The following ZNF586 variants were observed in gnomAD, a reference collection of about 807,000 sequenced individuals.
The protein encoded by ZNF586 is zinc finger protein 586.
A neutral mutation model predicts 6.7 loss-of-function variants in ZNF586; 7 were observed. The observed-to-expected ratio is 1.04, with a 90% CI of 0.59 to 1.95. ZNF586 has a LOEUF of 1.95. Among genes scored for constraint, ZNF586 ranks in the 30% most tolerant of loss-of-function variants. The pLI is 0.00. For synonymous variants in ZNF586, 166 were observed against 168.7 expected, an observed-to-expected ratio of 0.98 and a Z score of 0.12; for missense variants, 442 against 489.6, an observed-to-expected ratio of 0.90 and a Z score of 0.92.
intron 1 of ZNF586, among the ~76,000 whole-genome samples, chr19:57,775,157 C>T (rs979073756): frequency 6.6e-6 from 1 of 152,102 alleles, no homozygotes; most frequent in Non-Finnish European, 1.5e-5. Context: ...CCACCACACC[C>T]GGCTAATTTT....
intron 1 of ZNF586, among the ~76,000 whole-genome samples, chr19:57,775,039 G>A (rs1207425178): frequency 2.0e-5 from 3 of 148,752 alleles, no homozygotes; most frequent in African/African-American, 5.0e-5. Context: ...TCGCTCTGTC[G>A]CCCAGGCTGG....
At chr19:57,777,558 TTTCC>T (rs1987263411) in intron 2 of ZNF586, among the ~76,000 whole-genome samples, 1 of 152,190 alleles carries the variant, frequency 6.6e-6, no homozygotes, top group African/African-American at 2.4e-5. Flanking sequence ...ACTTTATGTC[TTTCC>T]TTCCCCATTC....
In ZNF586 at chr19:57,779,194, G is replaced by A; in HGVS notation, c.607G>A (p.Ala203Thr). ...TAACCACAGGAAAGTTCACTCTGGA[G>A]CAAAGCGTTATGAATGCAATGAATG... The part of the protein sequence containing the change: ...LINHRKVHSG[A>T]KRYECNECGK... Residue 203 changes from alanine to threonine, a missense_variant, in exon 3 of 3, where the codon GCA becomes ACA. Transcript: ENST00000396154. The A allele has an allele frequency of 6.2e-7, 1 of 1,614,046 alleles. No individual in the cohort carries two copies. Among genetic ancestry groups the A allele is most frequent in the South Asian group, 1.1e-5 (1 of 91,076 alleles).
intron 1 of ZNF586, among the ~76,000 whole-genome samples, chr19:57,772,022 G>A (rs1270255318): frequency 6.6e-6 from 1 of 151,972 alleles, no homozygotes; most frequent in African/African-American, 2.4e-5. Context: ...ACTAGGTTTC[G>A]CCATATTATC....
intron 1 of ZNF586, chr19:57,774,890 C>A: frequency 3.7e-6 from 1 of 270,414 alleles, no homozygotes; most frequent in Non-Finnish European, 5.7e-6. Flanking sequence ...AATCTCCCTC[C>A]CCACTCTGCT....
chr19:57,770,157 C>CTT (rs56139513), intron 1 of ZNF586, among the ~76,000 whole-genome samples: 24,715 of 128,134 alleles, frequency 0.19, 3,139 homozygotes, highest in East Asian at 0.32. Context: ...GGAGTTATTT[C>CTT]TTTTTTTTTT....
At chr19:57,777,612 C>T (rs553091629) in intron 2 of ZNF586, among the ~76,000 whole-genome samples, 1 of 152,248 alleles carries the variant, frequency 6.6e-6, no homozygotes, top group Non-Finnish European at 1.5e-5. Flanking sequence ...CTTGTTGCTT[C>T]TGCTGTTACA....
Position 57,779,279 on chromosome 19 carries a change from A to G in ZNF586, c.692A>G (p.Glu231Gly). Residue 231 changes from glutamate to glycine, a missense_variant, in exon 3 of 3, where the codon GAG becomes GGG. Transcript: ENST00000396154. The stretch of plus-strand genomic sequence containing the variant: ...AAACACAGGAGGATTCACACTGGAG[A>G]GAGGCCTTATGAGTGCAGTGAATGT... ...LIKHRRIHTG[E>G]RPYECSECGR... 1 of 1,614,222 alleles carries G rather than the reference A, an allele frequency of 6.2e-7. No homozygotes were observed. Among genetic ancestry groups the G allele is most frequent in the Non-Finnish European group, 8.5e-7 (1 of 1,180,034 alleles).
chr19:57,769,903 T>TGGGCCC, intron 1 of ZNF586, 25 bp downstream of exon 1: 1 of 1,475,808 alleles, frequency 6.8e-7, no homozygotes, highest in Non-Finnish European at 9.1e-7. Context: ...CTCCGGGCCT[T>TGGGCCC]ACCCACCCTA....
chr19:57,772,718 C>T (rs1987126038), intron 1 of ZNF586, among the ~76,000 whole-genome samples: 1 of 152,160 alleles, frequency 6.6e-6, no homozygotes, highest in African/African-American at 2.4e-5. Flanking sequence ...GGCACACCAC[C>T]ATCCAGGAAC....
chr19:57,775,478 G>A (rs1442576064), intron 1 of ZNF586, among the ~76,000 whole-genome samples: 1 of 151,828 alleles, frequency 6.6e-6, no homozygotes, highest in Non-Finnish European at 1.5e-5. Flanking sequence ...AGGAGTGACA[G>A]AACAAGACCC....
At chr19:57,778,621 C>T (rs1040679012) in intron 2 of ZNF586, 130 bp from the exon 3 acceptor site, 4 of 818,046 alleles carry the variant, frequency 4.9e-6, no homozygotes, top group Middle Eastern at 3.5e-4. Flanking sequence ...CCAACCTCAA[C>T]CTGAACCCAA....
chr19:57,774,529 TATAAATAAATAA>T (rs71986625), intron 1 of ZNF586, among the ~76,000 whole-genome samples: 7,801 of 146,674 alleles, frequency 0.053, 260 homozygotes, highest in Non-Finnish European at 0.067. Context: ...ATCTCAAAAA[TATAAATAAATAA>T]ATAAATAAAT....
intron 1 of ZNF586, among the ~76,000 whole-genome samples, chr19:57,774,991 G>A (rs1987192796): frequency 7.4e-6 from 1 of 135,144 alleles, no homozygotes; most frequent in African/African-American, 2.8e-5. Flanking sequence ...GCAGGTTTCA[G>A]TTTCTTTTTT....
intron 1 of ZNF586, among the ~76,000 whole-genome samples, chr19:57,774,418 G>A (rs556288699): frequency 6.6e-6 from 1 of 151,604 alleles, no homozygotes; most frequent in African/African-American, 2.4e-5. Flanking sequence ...AGCTACTCGG[G>A]AGGCTGAGGC....
intron 1 of ZNF586, among the ~76,000 whole-genome samples, chr19:57,772,401 A>G (rs1448114860): frequency 5.3e-5 from 8 of 152,154 alleles, no homozygotes; most frequent in Admixed American, 5.2e-4. Context: ...TCATACACCA[A>G]GTAGTTCTGC....
At chr19:57,769,937 G>A in intron 1 of ZNF586, 59 bp downstream of exon 1, 4 of 1,155,358 alleles carry the variant, frequency 3.5e-6, no homozygotes, top group Non-Finnish European at 4.5e-6. Flanking sequence ...TGAGGCCCCT[G>A]ATCGTGAGGG....
intron 1 of ZNF586, among the ~76,000 whole-genome samples, chr19:57,770,146 C>T (rs935917512): frequency 5.0e-5 from 7 of 141,286 alleles, no homozygotes; most frequent in African/African-American, 7.7e-5. Context: ...AAGTGTGATA[C>T]GGAGTTATTT....
chr19:57,776,655 T>G lies in ZNF586; in HGVS notation c.149T>G (p.Leu50Arg), dbSNP rs1987244558. 1 of 1,605,500 alleles carries G rather than the reference T, an allele frequency of 6.2e-7. No homozygotes were observed. The highest frequency in any genetic ancestry group is 8.5e-7 in the Non-Finnish European group (1 of 1,176,296). ...YRDVMLETLT[L>R]ISSLGCWHGG... ...GACGTGATGCTGGAGACCTTGACACTTATATCCTCCCTGGGTAAGGTACTC... is the reference window on the plus strand; with the variant it reads ...GACGTGATGCTGGAGACCTTGACACGTATATCCTCCCTGGGTAAGGTACTC... Residue 50 changes from leucine to arginine, a missense_variant, in exon 2 of 3, where the codon CTT (leucine) becomes CGT (arginine). Leu to Arg is a moderately radical substitution (Grantham distance 102, BLOSUM62 -2). Transcript: ENST00000396154.
Sources: allele counts gnomAD v4.1 joint callset (sites outside exome capture counted in the v4.1 genomes callset), GRCh38; gene constraint gnomAD v4.1.1; transcripts MANE v1.5; gene names NCBI Gene and HGNC (gene_info 2026-07-23, HGNC 2026-07-21).